Variants in SLX4 observed in about 807,000 individuals in gnomAD.
SLX4 encodes the protein structure-specific endonuclease subunit SLX4.
Under a neutral mutation model 146.2 loss-of-function variants are expected in SLX4, and 112 were observed. That is an observed-to-expected ratio of 0.77 (90% confidence interval 0.66 to 0.90). The LOEUF is 0.90. Among genes scored for constraint, SLX4 ranks in the 40% least tolerant of loss-of-function variants. SLX4 has a pLI of 0.00. For synonymous variants in SLX4, 1,061 were observed against 997.7 expected (o/e 1.06, Z -1.20); for missense variants, 2,563 against 2,392.7 (o/e 1.07, Z -1.49).
chr16:3,599,171 C>A (rs1427356883), intron 5 of SLX4, among the ~76,000 whole-genome samples: 1 of 152,210 alleles, frequency 6.6e-6, no homozygotes. Flanking sequence ...AAGGCTTGCA[C>A]CCCTGCCATG....
chr16:3,590,443 A>G lies in SLX4; in HGVS notation c.3195T>C (p.Thr1065=). ...SLSTPRSRGG[T]SQVGSPTLLS... is the part of the protein sequence containing the mutation. The stretch of plus-strand genomic sequence containing the variant: ...GCAAGGTTGGGGAGCCCACCTGGGA[A>G]GTTCCGCCACGGGACCGGGGTGTTG... Residue 1065 remains threonine (T), a synonymous_variant, in exon 12 of 15, where the codon ACT becomes ACC. Coordinates refer to ENST00000294008, the MANE Select transcript of SLX4 (RefSeq NM_032444.4). The surrounding 1 kb of genome is among the most constrained non-coding windows in gnomAD (Gnocchi z 4.8). 3 of 1,614,124 alleles carry G rather than the reference A, an allele frequency of 1.9e-6. No individual in the cohort carries two copies. Among genetic ancestry groups the G allele is most frequent in the Non-Finnish European group, 2.5e-6 (3 of 1,179,994 alleles).
At position 3,597,684 on chromosome 16, in the gene SLX4, G is replaced by T; in HGVS notation, c.1378C>A (p.Arg460Ser). The T allele has an allele frequency of 6.2e-7, 1 of 1,613,664 alleles. No individual in the cohort carries two copies. Among genetic ancestry groups the T allele is most frequent in the Non-Finnish European group, 8.5e-7 (1 of 1,179,940 alleles). The stretch of plus-strand genomic sequence containing the variant: ...GGGGATACCGGGGGTTTCTTCTTGC[G>T]ACTTTTATTCTCTAGAGAGAAACAA... The part of the protein sequence containing the change: ...RIRPEAENKS[R>S]KKKPPVSPPL... The change falls in exon 7 of 15, where the codon CGC becomes AGC. Residue 460 changes from arginine to serine, a missense_variant. Coordinates refer to ENST00000294008, the MANE Select transcript of SLX4 (RefSeq NM_032444.4). The surrounding 1 kb of genome is among the most constrained non-coding windows in gnomAD (Gnocchi z 4.4).
intron 4 of SLX4, chr16:3,601,793 CAG>C (rs2040729741): frequency 5.4e-6 from 2 of 369,298 alleles, no homozygotes; most frequent in South Asian, 5.0e-5. Context: ...TAGTGGTTGT[CAG>C]GGGAGAGAGG....
At chr16:3,584,303 C>T (rs1424955416) in intron 13 of SLX4, among the ~76,000 whole-genome samples, 1 of 152,022 alleles carries the variant, frequency 6.6e-6, no homozygotes, top group African/African-American at 2.4e-5. Flanking sequence ...TGCCTGTAGT[C>T]CCAGCTACTC....
chr16:3,603,816 T>G (rs2040754485), intron 3 of SLX4, among the ~76,000 whole-genome samples: 1 of 152,196 alleles, frequency 6.6e-6, no homozygotes, highest in Admixed American at 6.5e-5. Context: ...CCAATGAGCC[T>G]CTAATCTACT....
At position 3,592,705 on chromosome 16, in the gene SLX4, G is replaced by C. The variant is rs376389326; in HGVS notation, c.2321C>G (p.Ala774Gly). The change falls in exon 11 of 15, where the codon GCC (alanine) becomes GGC (glycine). Residue 774 changes from alanine to glycine, a missense_variant. Physicochemically the swap from Ala to Gly is moderately conservative, Grantham distance 60. Coordinates refer to ENST00000294008, the MANE Select transcript of SLX4 (RefSeq NM_032444.4). Reference protein sequence around the residue: ...PGLSSELSSLAHRFGVSELVH... With the variant: ...PGLSSELSSLGHRFGVSELVH... ...GCTGGGGAGCAATCCAGACCTGTGG[G>C]CCAGGGAGCTCAGCTCAGAGCTAAG... is the stretch of plus-strand genomic sequence containing the variant. 4 of 1,612,940 alleles carry C rather than the reference G, an allele frequency of 2.5e-6. No homozygotes were observed. The highest frequency in any genetic ancestry group is 3.4e-6 in the Non-Finnish European group (4 of 1,179,896).
chr16:3,595,829 G>T, intron 8 of SLX4, 136 bp from the exon 9 acceptor site: 1 of 1,057,902 alleles, frequency 9.5e-7, no homozygotes, highest in Non-Finnish European at 1.4e-6. Context: ...ACACCTTCAT[G>T]CAAAGCAAAC....
rs759835803 is a variant in SLX4 at position 3,594,434 on chromosome 16, C to G, written c.2160+19G>C. ...GGGAGAGAGAGGAAAGGAGGGCACA[C>G]GGCAGCCCACGTACTTACATACTGG... On this transcript the variant is annotated intron_variant, in intron 10 of 14. Coordinates refer to ENST00000294008, the MANE Select transcript of SLX4 (RefSeq NM_032444.4). The G allele has an allele frequency of 1.9e-6, 3 of 1,606,596 alleles. No individual in the cohort carries two copies. In the Admixed American group the frequency reaches 5.1e-5, roughly 27 times the overall value.
rs1406412705 is a variant in SLX4, at chr16:3,589,009, C to T, written c.4629G>A (p.Glu1543=). Residue 1543 remains glutamate (E), a synonymous_variant, in exon 12 of 15, where the codon GAG becomes GAA. Transcript: ENST00000294008. The surrounding 1 kb of genome is among the most constrained non-coding windows in gnomAD (Gnocchi z 6.2). The part of the protein sequence containing the change: ...AGGAQKPEGL[E]TPKGANRKKN... ...GCTCTCCTGGCTACTCACTGGGTGT[C>T]TCTAACCCTTCGGGCTTCTGAGCTC... 2 of 1,614,070 alleles carry T rather than the reference C, an allele frequency of 1.2e-6. No homozygotes were observed. Among genetic ancestry groups the T allele is most frequent in the South Asian group, 1.1e-5 (1 of 91,078 alleles).
intron 7 of SLX4, 25 bp from the exon 8 acceptor site, chr16:3,596,418 G>A (rs917646359): frequency 3.8e-6 from 6 of 1,572,778 alleles, no homozygotes; most frequent in Middle Eastern, 1.7e-4. Flanking sequence ...TAAGGAGAGT[G>A]ACCACGTGGT....
chr16:3,583,829 C>T (rs938808852), intron 13 of SLX4, among the ~76,000 whole-genome samples: 10 of 151,848 alleles, frequency 6.6e-5, no homozygotes, highest in African/African-American at 2.4e-4. Flanking sequence ...ATAGCAAGAC[C>T]CCGCCTCTAC....
Position 3,591,130 on chromosome 16 carries a change from G to C in SLX4, c.2508C>G (p.Ser836=). ...EEEEAETLLK[S]KDHEEDQENV... ...TTTCTTGATCTTCTTCGTGGTCCTT[G>C]GATTTCAACAAAGTCTCCGCTTCCT... is the stretch of plus-strand genomic sequence containing the variant. The change falls in exon 12 of 15, where the codon TCC becomes TCG. Residue 836 remains serine, a synonymous_variant. Coordinates refer to ENST00000294008, the MANE Select transcript of SLX4 (RefSeq NM_032444.4). The C allele has an allele frequency of 6.2e-7, 1 of 1,614,192 alleles. No homozygotes were observed. The highest frequency in any genetic ancestry group is 8.5e-7 in the Non-Finnish European group (1 of 1,180,040).
chr16:3,602,185 A>G lies in SLX4; in HGVS notation c.883T>C (p.Phe295Leu). The change falls in exon 4 of 15, where the codon TTC (phenylalanine) becomes CTC (leucine). Residue 295 changes from phenylalanine (F) to leucine (L), a missense_variant. Coordinates refer to ENST00000294008, the MANE Select transcript of SLX4 (RefSeq NM_032444.4). ...DDSLEEKGLF[F>L]CQICQKNLSA... The stretch of plus-strand genomic sequence containing the variant: ...AGGTTCTTTTGACAAATCTGGCAGA[A>G]GAACAAACCCTTTTCCTCCAGGCTA... 6.2e-7 allele frequency: 1 copy of G among 1,614,204 alleles called. No individual in the cohort carries two copies. The highest frequency in any genetic ancestry group is 2.2e-5 in the East Asian group (1 of 44,882).
chr16:3,606,428 G>T, intron 3 of SLX4, 46 bp downstream of exon 3: 13 of 1,593,216 alleles, frequency 8.2e-6, no homozygotes, highest in African/African-American at 1.3e-5. Context: ...CCTCAGAGTT[G>T]TATTAACTTA....
intron 13 of SLX4, among the ~76,000 whole-genome samples, chr16:3,583,830 C>T (rs984474025): frequency 6.6e-6 from 1 of 151,864 alleles, no homozygotes; most frequent in Non-Finnish European, 1.5e-5. Context: ...TAGCAAGACC[C>T]CGCCTCTACA....
chr16:3,608,290 T>C lies in SLX4; in HGVS notation c.535+140A>G, dbSNP rs569498246. Reference sequence around the variant, plus strand: ...TGGCCATGCCTGTTCATTTACATATTGTCCACGCCTGCTTTCTCACTATGA... The same window carrying C: ...TGGCCATGCCTGTTCATTTACATATCGTCCACGCCTGCTTTCTCACTATGA... On this transcript the variant is annotated intron_variant, in intron 2 of 14. Coordinates refer to ENST00000294008, the MANE Select transcript of SLX4 (RefSeq NM_032444.4). The C allele has an allele frequency of 9.5e-5, 84 of 885,772 alleles. No individual in the cohort carries two copies. The South Asian group carries it at 1.1e-3, about 12-fold the overall frequency. The allele number at this position is 885,772 out of a possible 1,614,324, so 54.9% of individuals were successfully genotyped here.
intron 5 of SLX4, among the ~76,000 whole-genome samples, chr16:3,599,422 G>A (rs888743867): frequency 1.3e-5 from 2 of 152,256 alleles, no homozygotes; most frequent in African/African-American, 2.4e-5. Context: ...GCAGGGCAGC[G>A]TGGAGCAGGG....
At chr16:3,583,958 C>T (rs2040475482) in intron 13 of SLX4, among the ~76,000 whole-genome samples, 1 of 152,092 alleles carries the variant, frequency 6.6e-6, no homozygotes, top group Non-Finnish European at 1.5e-5. Context: ...AAGATCACAT[C>T]ACTCTACTCC....
chr16:3,603,323 C>T (rs1389089800), intron 3 of SLX4, among the ~76,000 whole-genome samples: 3 of 152,230 alleles, frequency 2.0e-5, no homozygotes, highest in South Asian at 2.1e-4. Flanking sequence ...GGATTACAGG[C>T]GTGAGCCACC....
Sources: allele counts gnomAD v4.1 joint callset (sites outside exome capture counted in the v4.1 genomes callset), GRCh38; gene constraint gnomAD v4.1.1; non-coding constraint Gnocchi (gnomAD v3.1); transcripts MANE v1.5; gene names NCBI Gene and HGNC (gene_info 2026-07-23, HGNC 2026-07-21).